Variants in GNG4 observed in about 807,000 individuals in gnomAD.
The protein encoded by GNG4 is guanine nucleotide-binding protein G(I)/G(S)/G(O) subunit gamma-4.
In GNG4, 4 loss-of-function variants were observed where a neutral mutation model predicts 5.8. That is an observed-to-expected ratio of 0.69 (90% CI 0.34 to 1.57). The LOEUF (loss-of-function observed/expected upper bound fraction) is 1.57, where lower values mean the gene tolerates loss of function less well. Among genes scored for constraint, GNG4 ranks in the 40% most tolerant of loss-of-function variants. The pLI, the probability that GNG4 is intolerant of heterozygous loss-of-function variation, is 0.06. For missense variants in GNG4, 96 were observed against 95.1 expected, an observed-to-expected ratio of 1.01 and a Z score of -0.04; for synonymous variants, 29 against 32.9, an observed-to-expected ratio of 0.88 and a Z score of 0.41.
chr1:235,626,075 G>A (rs1688803056), intron 1 of GNG4, among the ~76,000 whole-genome samples: 1 of 152,178 alleles, frequency 6.6e-6, no homozygotes, highest in Admixed American at 6.5e-5. Context: ...GTCTGCTTCT[G>A]CAGATCCTGG....
intron 1 of GNG4, among the ~76,000 whole-genome samples, chr1:235,607,851 TC>T (rs892060671): frequency 1.6e-4 from 25 of 151,926 alleles, no homozygotes; most frequent in Admixed American, 1.6e-3. Context: ...CTCACTTTAG[TC>T]CATTCTGATG....
At chr1:235,628,441 A>G (rs1688865418) in intron 1 of GNG4, among the ~76,000 whole-genome samples, 1 of 152,016 alleles carries the variant, frequency 6.6e-6, no homozygotes, top group Non-Finnish European at 1.5e-5. Flanking sequence ...AGACCCTAGA[A>G]CAAAATGGCC....
At chr1:235,614,539 G>C (rs898558234) in intron 1 of GNG4, 1 of 152,138 alleles carries the variant, frequency 6.6e-6, no homozygotes, top group Non-Finnish European at 1.5e-5. Context: ...CCTGACACAG[G>C]GATCAGGGTT....
At chr1:235,577,022 G>T (rs56219056) in intron 3 of GNG4, among the ~76,000 whole-genome samples, 1 of 152,162 alleles carries the variant, frequency 6.6e-6, no homozygotes, top group Non-Finnish European at 1.5e-5. Flanking sequence ...ACTGCTTAAT[G>T]CAGTTATATT....
At chr1:235,554,520 A>G (rs1686839981) in intron 3 of GNG4, among the ~76,000 whole-genome samples, 1 of 151,968 alleles carries the variant, frequency 6.6e-6, no homozygotes, top group Non-Finnish European at 1.5e-5. Flanking sequence ...TAGGCCCCTG[A>G]CTCCAGTGAG....
chr1:235,581,797 T>C (rs562435564), intron 3 of GNG4, among the ~76,000 whole-genome samples: 27 of 152,334 alleles, frequency 1.8e-4, no homozygotes, highest in African/African-American at 6.0e-4. Flanking sequence ...TGTCTTTGAC[T>C]TTCCTCTTTC....
rs187344784 is a variant in GNG4, at chr1:235,632,648, T to C, written c.-123+17014A>G. ...TTTCTCTTTGTGTTTTAGTCTTCCC[T>C]TTTGTAACTGTCTGTCGTCTTCCTG... On this transcript the variant is annotated intron_variant, in intron 1 of 3. Coordinates refer to ENST00000391854, the MANE Select transcript of GNG4 (RefSeq NM_001098722.2). 1.7e-4 allele frequency among the ~76,000 whole-genome samples: 26 copies of C among 152,338 alleles called. No individual in the cohort carries two copies. In the East Asian group the frequency reaches 4.2e-3, roughly 25 times the overall value.
chr1:235,576,341 C>T (rs527633356), intron 3 of GNG4, among the ~76,000 whole-genome samples: 187 of 152,134 alleles, frequency 1.2e-3, no homozygotes, highest in African/African-American at 4.2e-3. Context: ...GGATTATAGG[C>T]GTGAGCCACC....
chr1:235,556,214 C>T (rs1444214594), intron 3 of GNG4, among the ~76,000 whole-genome samples: 2 of 151,854 alleles, frequency 1.3e-5, no homozygotes, highest in African/African-American at 2.4e-5. Flanking sequence ...AGCCACTTTA[C>T]AGATGAGGAA....
At chr1:235,593,692 GGCTCAGGAGTGAA>G (rs1276300024) in intron 2 of GNG4, among the ~76,000 whole-genome samples, 1 of 152,160 alleles carries the variant, frequency 6.6e-6, no homozygotes, top group Non-Finnish European at 1.5e-5. Flanking sequence ...TGGTCTCGCT[GGCTCAGGAGTGAA>G]GCTGCAGAGC....
At chr1:235,582,668 C>T (rs138569154) in intron 3 of GNG4, among the ~76,000 whole-genome samples, 14 of 152,346 alleles carry the variant, frequency 9.2e-5, no homozygotes, top group African/African-American at 3.4e-4. Flanking sequence ...CTTGCTCCCT[C>T]CTCTAGTCTA....
intron 3 of GNG4, among the ~76,000 whole-genome samples, chr1:235,566,413 C>T (rs978934535): frequency 3.9e-5 from 6 of 152,180 alleles, no homozygotes; most frequent in African/African-American, 1.4e-4. Context: ...TTGCATGCTC[C>T]TTATGAGAAC....
rs905506127 is a variant in GNG4 at position 235,551,726 on chromosome 1, A to G, written c.*383T>C. ...AAAATGCTCTAATTTGATACTGAAT[A>G]TTGCAAATAAGGGATATTTAGGCAT... On this transcript the variant is annotated 3_prime_UTR_variant, in exon 4 of 4. Transcript: ENST00000391854. 6.3e-6 allele frequency: 1 copy of G among 159,520 alleles called. No individual in the cohort carries two copies. The highest frequency in any genetic ancestry group is 6.2e-5 in the Admixed American group (1 of 16,190). 9.9% of individuals were successfully genotyped at this position (159,520 alleles called of 1,614,324 possible).
chr1:235,563,403 C>CAAAAAA (rs57471662), intron 3 of GNG4, among the ~76,000 whole-genome samples: 1 of 52,384 alleles, frequency 1.9e-5, no homozygotes, highest in Non-Finnish European at 3.6e-5. Flanking sequence ...GAAACTGTCT[C>CAAAAAA]AAAAAAAAAA....
At chr1:235,604,641 C>T (rs748008375) in intron 1 of GNG4, among the ~76,000 whole-genome samples, 11 of 152,210 alleles carry the variant, frequency 7.2e-5, no homozygotes, top group African/African-American at 9.6e-5. Flanking sequence ...GTGTCATCTT[C>T]GCTCCTTATA....
chr1:235,618,359 G>T (rs965814724), intron 1 of GNG4, among the ~76,000 whole-genome samples: 1 of 152,174 alleles, frequency 6.6e-6, no homozygotes, highest in Admixed American at 6.5e-5. Flanking sequence ...ATTCTGCCCA[G>T]AAAATGGACG....
intron 2 of GNG4, among the ~76,000 whole-genome samples, chr1:235,585,941 T>C (rs540783796): frequency 6.6e-6 from 1 of 152,368 alleles, no homozygotes; most frequent in South Asian, 2.1e-4. Flanking sequence ...TTATACTTGC[T>C]TCATACAAAA....
chr1:235,557,826 T>A (rs1241371507), intron 3 of GNG4, among the ~76,000 whole-genome samples: 1 of 152,180 alleles, frequency 6.6e-6, no homozygotes, highest in Non-Finnish European at 1.5e-5. Flanking sequence ...GTTGGGCCCA[T>A]GTTCCACTCC....
At chr1:235,601,822 A>C (rs1386999830) in intron 1 of GNG4, among the ~76,000 whole-genome samples, 2 of 152,170 alleles carry the variant, frequency 1.3e-5, no homozygotes, top group East Asian at 3.8e-4. Flanking sequence ...CTTTCCCATC[A>C]CACGTGGATG....
Sources: gnomAD v4.1 joint callset for allele counts (sites outside exome capture counted in the v4.1 genomes callset) on GRCh38, gnomAD v4.1.1 for gene constraint, MANE v1.5 for transcripts, NCBI Gene and HGNC (gene_info 2026-07-23, HGNC 2026-07-21) for gene names.